The following IKZF2 variants were observed in gnomAD, a reference collection of about 807,000 sequenced individuals.
IKZF2 encodes the protein zinc finger protein Helios.
In IKZF2, 15 loss-of-function variants were observed where a neutral mutation model predicts 49.2. That is an observed-to-expected ratio of 0.30 (90% confidence interval 0.20 to 0.47). The LOEUF (loss-of-function observed/expected upper bound fraction) is 0.47, where lower values mean the gene tolerates loss of function less well. IKZF2 is among the 20% of genes least tolerant of loss of function. The pLI is 1.00. For missense variants in IKZF2, 567 were observed against 664.6 expected, an observed-to-expected ratio of 0.85 and a Z score of 1.61; for synonymous variants, 227 against 221.4, an observed-to-expected ratio of 1.03 and a Z score of -0.23.
At chr2:213,037,806 G>A (rs376922196) in intron 6 of IKZF2, among the ~76,000 whole-genome samples, 21 of 152,252 alleles carry the variant, frequency 1.4e-4, no homozygotes, top group South Asian at 6.2e-4. Context: ...AAGGAAAGGA[G>A]GGGCTAAGGG....
At position 213,137,864 on chromosome 2, in the gene IKZF2, C is replaced by T. The variant is rs114633797; in HGVS notation, c.139+9844G>A. On this transcript the variant is annotated intron_variant, in intron 4 of 8. Transcript: ENST00000434687. ...GTTAATTCAACTGAAAACACAGCAA[C>T]GTAGTACCCTAGCACTTCAAAATAA... Among the ~76,000 whole-genome samples, 892 of 152,124 alleles carry T rather than the reference C, an allele frequency of 5.9e-3. 13 individuals are homozygous for T. The highest frequency in any genetic ancestry group is 0.021 in the African/African-American group (859 of 41,540).
intron 4 of IKZF2, among the ~76,000 whole-genome samples, chr2:213,135,029 G>C (rs189387610): frequency 6.6e-6 from 1 of 151,680 alleles, no homozygotes; most frequent in African/African-American, 2.4e-5. Flanking sequence ...AGTTATTTTC[G>C]CAGGTCCTAC....
intron 8 of IKZF2, among the ~76,000 whole-genome samples, chr2:213,013,225 G>C (rs1472323711): frequency 1.3e-5 from 2 of 151,922 alleles, no homozygotes; most frequent in African/African-American, 4.8e-5. Flanking sequence ...TTGAAAAAAA[G>C]AAAAATTATC....
intron 4 of IKZF2, among the ~76,000 whole-genome samples, chr2:213,126,179 C>T (rs1261118036): frequency 1.3e-5 from 2 of 152,162 alleles, no homozygotes; most frequent in African/African-American, 4.8e-5. Flanking sequence ...GTTTATCACC[C>T]ACACCCCATC....
At chr2:213,056,787 A>G in intron 5 of IKZF2, 46 bp downstream of exon 5, 1 of 1,608,834 alleles carries the variant, frequency 6.2e-7, no homozygotes, top group Non-Finnish European at 8.5e-7. Flanking sequence ...TAATATCAAC[A>G]TCAGATGTCA....
intron 4 of IKZF2, among the ~76,000 whole-genome samples, chr2:213,083,954 T>A (rs1574780745): frequency 6.6e-6 from 1 of 152,054 alleles, no homozygotes; most frequent in African/African-American, 2.4e-5. Flanking sequence ...TCTTGAATCA[T>A]CCCGAAACCA....
At chr2:213,017,584 C>T (rs1422987373) in intron 7 of IKZF2, among the ~76,000 whole-genome samples, 1 of 152,158 alleles carries the variant, frequency 6.6e-6, no homozygotes, top group Non-Finnish European at 1.5e-5. Context: ...TCCTCCCTAC[C>T]ACATCTCTTT....
intron 4 of IKZF2, among the ~76,000 whole-genome samples, chr2:213,089,195 TAGACCTCTTTTTCCCTC>T (rs1427947675): frequency 1.3e-5 from 2 of 152,186 alleles, no homozygotes; most frequent in Non-Finnish European, 2.9e-5. Flanking sequence ...AGTCACTCCT[TAGACCTCTTTTTCCCTC>T]ACATGCCGCT....
At position 213,003,684 on chromosome 2, in the gene IKZF2, C is replaced by G. The variant is rs1420696531; in HGVS notation, c.*3676G>C. 6.6e-6 allele frequency: 1 copy of G among 151,564 alleles called. No homozygotes were observed. Among genetic ancestry groups the G allele is most frequent in the Non-Finnish European group, 1.5e-5 (1 of 67,684 alleles). The allele number at this position is 151,564 out of a possible 1,614,324, so 9.4% of individuals were successfully genotyped here. A position where few individuals can be genotyped will look rare whatever the true frequency, so the allele number is the denominator to read the frequency against. ...AACATAATAATTTTCATCTAAATGC[C>G]TTAATCTGATGTAAATTTTGTTAAA... On this transcript the variant is annotated 3_prime_UTR_variant, in exon 9 of 9. Transcript: ENST00000434687.
chr2:213,069,474 T>A (rs1189964695), intron 4 of IKZF2, among the ~76,000 whole-genome samples: 3 of 152,172 alleles, frequency 2.0e-5, no homozygotes, highest in African/African-American at 7.2e-5. Flanking sequence ...AAGCCCACTG[T>A]CTTCTTTCAC....
intron 6 of IKZF2, 29 bp from the exon 7 acceptor site, chr2:213,022,159 T>C: frequency 6.5e-7 from 1 of 1,545,000 alleles, no homozygotes; most frequent in Non-Finnish European, 8.7e-7. Flanking sequence ...GTCAGTGTGC[T>C]GTTAGTCTCA....
intron 6 of IKZF2, among the ~76,000 whole-genome samples, chr2:213,034,518 T>C (rs1698800397): frequency 6.6e-6 from 1 of 152,192 alleles, no homozygotes; most frequent in African/African-American, 2.4e-5. Flanking sequence ...TCAGTATTTT[T>C]GCATTTCAGG....
At chr2:213,133,904 T>C (rs1292308489) in intron 4 of IKZF2, among the ~76,000 whole-genome samples, 1 of 152,178 alleles carries the variant, frequency 6.6e-6, no homozygotes, top group East Asian at 1.9e-4. Context: ...CTTAGTAGAC[T>C]TAAAATTTGT....
chr2:213,148,226 T>C (rs1365921619), intron 3 of IKZF2, among the ~76,000 whole-genome samples: 1 of 152,218 alleles, frequency 6.6e-6, no homozygotes, highest in African/African-American at 2.4e-5. Flanking sequence ...GCTAATTCTC[T>C]TTCACATAAT....
chr2:213,097,619 T>C (rs1559270070), intron 4 of IKZF2, among the ~76,000 whole-genome samples: 1 of 151,962 alleles, frequency 6.6e-6, no homozygotes, highest in Non-Finnish European at 1.5e-5. Flanking sequence ...TTAAACTTAA[T>C]TAATAACTCT....
chr2:213,088,453 A>T (rs1704917714), intron 4 of IKZF2, among the ~76,000 whole-genome samples: 1 of 152,188 alleles, frequency 6.6e-6, no homozygotes. Flanking sequence ...GATATTTAAA[A>T]ACAGCTTTAA....
At chr2:213,084,030 G>T (rs1395935777) in intron 4 of IKZF2, among the ~76,000 whole-genome samples, 1 of 152,104 alleles carries the variant, frequency 6.6e-6, no homozygotes, top group Non-Finnish European at 1.5e-5. Context: ...GTGCCAAAAA[G>T]GTTGGGGATA....
chr2:213,049,216 A>G (rs889412584), intron 6 of IKZF2, among the ~76,000 whole-genome samples: 2 of 152,124 alleles, frequency 1.3e-5, no homozygotes, highest in Non-Finnish European at 2.9e-5. Context: ...GAGAGTTAAA[A>G]TTAGAATATA....
At chr2:213,054,795 T>C (rs2125366908) in intron 5 of IKZF2, among the ~76,000 whole-genome samples, 1 of 152,326 alleles carries the variant, frequency 6.6e-6, no homozygotes, top group South Asian at 2.1e-4. Flanking sequence ...CTCGTATTCC[T>C]AGGATTTGTG....
Sources: allele counts gnomAD v4.1 joint callset (sites outside exome capture counted in the v4.1 genomes callset), GRCh38; gene constraint gnomAD v4.1.1; transcripts MANE v1.5; gene names NCBI Gene and HGNC (gene_info 2026-07-23, HGNC 2026-07-21).